The following ATPAF2 variants were observed in gnomAD, a reference collection of about 807,000 sequenced individuals.
ATPAF2 encodes the protein ATP synthase mitochondrial F1 complex assembly factor 2.
Under a neutral mutation model 36.6 loss-of-function variants are expected in ATPAF2, and 30 were observed. That is an observed-to-expected ratio of 0.82 (90% CI 0.61 to 1.11). The LOEUF is 1.11. Among genes scored for constraint, ATPAF2 ranks in the 50% most tolerant of loss-of-function variants. The pLI is 0.00. For synonymous variants in ATPAF2, 140 were observed against 152.6 expected (o/e 0.92, Z 0.61); for missense variants, 321 against 372.3 (o/e 0.86, Z 1.13).
chr17:18,021,500 G>A, intron 6 of ATPAF2: 1 of 627,044 alleles, frequency 1.6e-6, no homozygotes, highest in Non-Finnish European at 2.9e-6. Flanking sequence ...GGATGGACAT[G>A]TGACCCAAGC....
At chr17:18,033,737 T>C (rs2044668772) in intron 1 of ATPAF2, among the ~76,000 whole-genome samples, 1 of 152,196 alleles carries the variant, frequency 6.6e-6, no homozygotes. Context: ...CAGGGCCATC[T>C]GTAATCCTAG....
intron 5 of ATPAF2, 42 bp from the exon 6 acceptor site, chr17:18,021,899 G>A (rs1405061204): frequency 1.9e-6 from 3 of 1,561,716 alleles, no homozygotes; most frequent in African/African-American, 1.3e-5. Context: ...TCATGCTGTA[G>A]CCCAAGAGCA....
At chr17:18,027,466 C>A (rs889934617) in intron 3 of ATPAF2, among the ~76,000 whole-genome samples, 4 of 152,142 alleles carry the variant, frequency 2.6e-5, no homozygotes, top group African/African-American at 9.7e-5. Flanking sequence ...GTGCTGGGGA[C>A]CATGCCAAGG....
chr17:18,027,478 C>T (rs1035352694), intron 3 of ATPAF2, among the ~76,000 whole-genome samples: 1 of 152,142 alleles, frequency 6.6e-6, no homozygotes, highest in Non-Finnish European at 1.5e-5. Flanking sequence ...ATGCCAAGGG[C>T]TTTCTTGCAT....
chr17:18,023,383 G>A (rs545002800), intron 5 of ATPAF2, among the ~76,000 whole-genome samples: 1 of 141,968 alleles, frequency 7.0e-6, no homozygotes, highest in African/African-American at 2.6e-5. Flanking sequence ...AGCCAAGATC[G>A]CATCACTGCA....
chr17:18,032,026 C>CCATG lies in ATPAF2; in HGVS notation c.134-3371_134-3368dup, dbSNP rs147967568. Reference sequence around the variant, plus strand: ...TCTCTCAGGTCTGGAGTGAGGTAGACCATGTCCTTTGTGTTTTCCAATGCA... The same window carrying CCATG: ...TCTCTCAGGTCTGGAGTGAGGTAGACCATGCATGTCCTTTGTGTTTTCCAATGCA... On this transcript the variant is annotated intron_variant, in intron 1 of 7. Transcript: ENST00000474627. 4.8e-3 allele frequency among the ~76,000 whole-genome samples: 735 copies of CCATG among 152,312 alleles called. 6 individuals are homozygous for CCATG. Among genetic ancestry groups the CCATG allele is most frequent in the African/African-American group, 0.017 (710 of 41,580 alleles).
At chr17:18,025,915 G>T (rs574385281) in intron 4 of ATPAF2, among the ~76,000 whole-genome samples, 21 of 152,130 alleles carry the variant, frequency 1.4e-4, no homozygotes, top group Non-Finnish European at 2.6e-4. Context: ...TAGACACAGA[G>T]GAGAATTCAG....
At chr17:18,038,644 T>C (rs1260034700) in intron 1 of ATPAF2, among the ~76,000 whole-genome samples, 1 of 152,194 alleles carries the variant, frequency 6.6e-6, no homozygotes, top group Non-Finnish European at 1.5e-5. Context: ...CCATAAGCTT[T>C]GAGAAAACCT....
intron 1 of ATPAF2, among the ~76,000 whole-genome samples, chr17:18,030,528 A>C (rs1597674821): frequency 6.7e-6 from 1 of 150,230 alleles, no homozygotes; most frequent in South Asian, 2.1e-4. Flanking sequence ...AAAAAAAAAA[A>C]AAAAAAACAA....
At chr17:18,017,444 G>A (rs1008752651), downstream of ATPAF2, among the ~76,000 whole-genome samples, 3 of 152,224 alleles carry the variant, frequency 2.0e-5, no homozygotes, top group South Asian at 4.1e-4. Context: ...AGGGAAGCAG[G>A]AGGAGAGGCT....
intron 5 of ATPAF2, among the ~76,000 whole-genome samples, chr17:18,022,645 C>A (rs1305818089): frequency 6.7e-6 from 1 of 150,134 alleles, no homozygotes; most frequent in Non-Finnish European, 1.5e-5. Flanking sequence ...CTTTCTACCC[C>A]AGGCTGAAGT....
At chr17:18,017,502 AG>A (rs1313595755), downstream of ATPAF2, among the ~76,000 whole-genome samples, 1 of 152,226 alleles carries the variant, frequency 6.6e-6, no homozygotes, top group Non-Finnish European at 1.5e-5. Context: ...ACCAAGGCTG[AG>A]GTTAGCCACA....
At chr17:18,020,017 T>C (rs2044446660) in intron 7 of ATPAF2, among the ~76,000 whole-genome samples, 1 of 152,232 alleles carries the variant, frequency 6.6e-6, no homozygotes, top group Non-Finnish European at 1.5e-5. Context: ...GCGGGCCTCC[T>C]TTGTTATACA....
chr17:18,024,939 C>A, intron 4 of ATPAF2: 1 of 545,182 alleles, frequency 1.8e-6, no homozygotes, highest in South Asian at 2.0e-5. Flanking sequence ...ATCAGAACCT[C>A]TGGAGGGGGG....
At chr17:18,020,046 G>C (rs1052036370) in intron 7 of ATPAF2, among the ~76,000 whole-genome samples, 3 of 152,112 alleles carry the variant, frequency 2.0e-5, no homozygotes, top group Non-Finnish European at 4.4e-5. Flanking sequence ...TTTTTCCCTG[G>C]CATTTTTCTG....
chr17:18,026,865 T>C (rs867753984), intron 3 of ATPAF2: 2 of 200,444 alleles, frequency 1.0e-5, no homozygotes, highest in South Asian at 1.7e-4. Flanking sequence ...TGGAAACCTT[T>C]ACCAGCTGCC....
rs535444083 is a variant in ATPAF2 at position 18,038,961 on chromosome 17, C to G, written c.53G>C (p.Arg18Pro). ...AGAAGCGCTGGGGCCACCCGCCGGC[C>G]GATTCAGGAGACGGCGTCCCCCGTC... is the stretch of plus-strand genomic sequence containing the variant. Reference protein sequence around the residue: ...LRDGGRRLLNRPAGGPSASMS... With the variant: ...LRDGGRRLLNPPAGGPSASMS... Residue 18 changes from arginine (R) to proline (P), a missense_variant, in exon 1 of 8, where the codon CGG becomes CCG. Coordinates refer to ENST00000474627, the MANE Select transcript of ATPAF2 (RefSeq NM_145691.4). 5.6e-6 allele frequency: 9 copies of G among 1,613,138 alleles called. No individual in the cohort carries two copies. Among genetic ancestry groups the G allele is most frequent in the Non-Finnish European group, 7.6e-6 (9 of 1,179,696 alleles).
chr17:18,016,202 C>A, downstream of ATPAF2: 2 of 1,612,782 alleles, frequency 1.2e-6, no homozygotes, highest in South Asian at 2.2e-5. Context: ...CAGGGTGAGT[C>A]AATCCCAAGC....
In ATPAF2 at chr17:18,037,833, T is replaced by C. The variant is rs2044725996; in HGVS notation, c.133+1048A>G. On this transcript the variant is annotated intron_variant, in intron 1 of 7. Transcript: ENST00000474627. ...TGTCAGGGAAAAGTCCCTCATACCT[T>C]GCTGTCACCCTGGACACGTTCTAGA... is the stretch of plus-strand genomic sequence containing the variant. 3.3e-5 allele frequency among the ~76,000 whole-genome samples: 5 copies of C among 152,316 alleles called. No homozygotes were observed. In the South Asian group the frequency reaches 1.0e-3, roughly 32 times the overall value.
Sources: allele counts gnomAD v4.1 joint callset (sites outside exome capture counted in the v4.1 genomes callset), GRCh38; gene constraint gnomAD v4.1.1; transcripts MANE v1.5; gene names NCBI Gene and HGNC (gene_info 2026-07-23, HGNC 2026-07-21).